The following MSRB3 variants were observed in gnomAD, a reference collection of about 807,000 sequenced individuals.
MSRB3 encodes the protein methionine-R-sulfoxide reductase B3.
A neutral mutation model predicts 21.0 loss-of-function variants in MSRB3; 13 were observed. That is an observed-to-expected ratio of 0.62 (90% confidence interval 0.40 to 0.98). The LOEUF is 0.98. Among genes scored for constraint, MSRB3 ranks in the 50% least tolerant of loss-of-function variants. The probability of loss-of-function intolerance (pLI) is 0.00; values close to 1 mark genes in which losing one functional copy is unlikely to be tolerated. For missense variants in MSRB3, 199 were observed against 230.3 expected, an observed-to-expected ratio of 0.86 and a Z score of 0.88; for synonymous variants, 87 against 88.6, an observed-to-expected ratio of 0.98 and a Z score of 0.10.
chr12:65,327,046 A>G (rs1875093881), intron 3 of MSRB3, 112 bp downstream of exon 3: 1 of 790,958 alleles, frequency 1.3e-6, no homozygotes, highest in South Asian at 1.5e-5. Context: ...TACTTGCTAA[A>G]GTCTATGAAT....
At chr12:65,282,719 C>T (rs2136382150) in intron 1 of MSRB3, among the ~76,000 whole-genome samples, 1 of 144,632 alleles carries the variant, frequency 6.9e-6, no homozygotes. Context: ...TGTGGCTGCT[C>T]AGCAGCTCCT....
intron 5 of MSRB3, among the ~76,000 whole-genome samples, chr12:65,391,148 G>C (rs914157282): frequency 2.0e-5 from 3 of 152,200 alleles, no homozygotes; most frequent in Non-Finnish European, 4.4e-5. Context: ...CAAAGTGTTA[G>C]AGGAGGAAAA....
intron 5 of MSRB3, among the ~76,000 whole-genome samples, chr12:65,416,510 G>A (rs531537970): frequency 6.6e-6 from 1 of 152,274 alleles, no homozygotes; most frequent in South Asian, 2.1e-4. Context: ...AACCTAGATG[G>A]GATAGCCTAC....
At chr12:65,407,339 T>G (rs1375314954) in intron 5 of MSRB3, among the ~76,000 whole-genome samples, 1 of 90,912 alleles carries the variant, frequency 1.1e-5, no homozygotes, top group Non-Finnish European at 2.6e-5. Flanking sequence ...TCCTGGTATG[T>G]TTTTTTTTTT....
chr12:65,347,714 CT>C (rs1258824029), intron 4 of MSRB3, among the ~76,000 whole-genome samples: 7 of 152,156 alleles, frequency 4.6e-5, no homozygotes, highest in African/African-American at 1.7e-4. Flanking sequence ...ATGACATTGC[CT>C]GTGGGTTTGT....
intron 5 of MSRB3, among the ~76,000 whole-genome samples, chr12:65,372,991 TC>T (rs1481183805): frequency 6.6e-6 from 1 of 152,200 alleles, no homozygotes; most frequent in Non-Finnish European, 1.5e-5. Flanking sequence ...AACCAAAGTC[TC>T]TGGGAAGTTT....
chr12:65,294,937 A>G (rs989026151), intron 1 of MSRB3, among the ~76,000 whole-genome samples: 1 of 152,036 alleles, frequency 6.6e-6, no homozygotes, highest in African/African-American at 2.4e-5. Context: ...TCCTCCCACC[A>G]CAGTCTCCCA....
chr12:65,453,892 A>G (rs1381906165), intron 6 of MSRB3, 67 bp downstream of exon 6: 1 of 1,285,010 alleles, frequency 7.8e-7, no homozygotes, highest in African/African-American at 1.5e-5. Flanking sequence ...TAAATATAGC[A>G]ACTAAGGCCA....
chr12:65,347,191 A>C lies in MSRB3; in HGVS notation c.263+18588A>C, dbSNP rs532906770. On this transcript the variant is annotated intron_variant, in intron 4 of 6. Coordinates refer to ENST00000308259, the MANE Select transcript of MSRB3 (RefSeq NM_001031679.3). ...TACCTTGGGCAGTATGGGCATTTTC[A>C]CGATATTGATTCTTCCTACCCATGA... Among the ~76,000 whole-genome samples the C allele has an allele frequency of 2.8e-4, 42 of 152,200 alleles. 1 individual carries two copies. In the South Asian group the frequency reaches 8.3e-3, roughly 30 times the overall value.
intron 6 of MSRB3, among the ~76,000 whole-genome samples, chr12:65,462,621 A>T (rs1486824586): frequency 6.6e-6 from 1 of 152,220 alleles, no homozygotes; most frequent in Non-Finnish European, 1.5e-5. Context: ...ACTGTGACAT[A>T]AATCTATTGA....
intron 5 of MSRB3, chr12:65,419,721 G>C: frequency 1.2e-6 from 1 of 858,316 alleles, no homozygotes; most frequent in South Asian, 1.4e-5. Context: ...TGGTCTCTGG[G>C]CTCCTCACTC....
At chr12:65,379,446 C>T (rs940499328) in intron 5 of MSRB3, among the ~76,000 whole-genome samples, 2 of 152,074 alleles carry the variant, frequency 1.3e-5, no homozygotes, top group South Asian at 2.1e-4. Context: ...CTTAAATTAA[C>T]GTGTAGAACA....
At chr12:65,302,110 A>G (rs1240874623) in intron 1 of MSRB3, among the ~76,000 whole-genome samples, 3 of 152,110 alleles carry the variant, frequency 2.0e-5, no homozygotes, top group Non-Finnish European at 2.9e-5. Context: ...GAGTAAACAA[A>G]TATCTAAAAA....
At chr12:65,343,372 T>G (rs1444245916) in intron 4 of MSRB3, among the ~76,000 whole-genome samples, 3 of 152,068 alleles carry the variant, frequency 2.0e-5, no homozygotes, top group African/African-American at 7.2e-5. Flanking sequence ...ACCTTCTGGT[T>G]TCAAATTTTC....
At chr12:65,289,715 T>G (rs925396135) in intron 1 of MSRB3, among the ~76,000 whole-genome samples, 18 of 152,134 alleles carry the variant, frequency 1.2e-4, no homozygotes, top group African/African-American at 4.1e-4. Flanking sequence ...CACCCTCAAA[T>G]AGGCCCCAGT....
chr12:65,326,285 C>T (rs1875022356), intron 2 of MSRB3, among the ~76,000 whole-genome samples: 1 of 151,988 alleles, frequency 6.6e-6, no homozygotes, highest in Admixed American at 6.6e-5. Context: ...CTGATGGAAT[C>T]ATGGAGAACA....
intron 3 of MSRB3, among the ~76,000 whole-genome samples, chr12:65,327,873 T>G (rs1397599079): frequency 1.3e-5 from 2 of 152,204 alleles, no homozygotes; most frequent in Non-Finnish European, 2.9e-5. Context: ...TCCGTTCTGT[T>G]GTGTACATGA....
intron 4 of MSRB3, among the ~76,000 whole-genome samples, chr12:65,362,444 T>C (rs1403448904): frequency 1.3e-5 from 2 of 152,180 alleles, no homozygotes; most frequent in Admixed American, 6.6e-5. Flanking sequence ...GTTGCCATGA[T>C]TGGCTTAGTC....
intron 5 of MSRB3, among the ~76,000 whole-genome samples, chr12:65,447,194 A>G (rs1882658064): frequency 6.6e-6 from 1 of 152,202 alleles, no homozygotes; most frequent in Non-Finnish European, 1.5e-5. Context: ...TGCTAAGGAT[A>G]CAAACCCATA....
Sources: allele counts gnomAD v4.1 joint callset (sites outside exome capture counted in the v4.1 genomes callset), GRCh38; gene constraint gnomAD v4.1.1; transcripts MANE v1.5; gene names NCBI Gene and HGNC (gene_info 2026-07-23, HGNC 2026-07-21).